Variants in RECQL observed in about 807,000 individuals in gnomAD.
RECQL encodes RecQ like helicase, also known as ATP-dependent DNA helicase Q1.
Under a neutral mutation model 75.8 loss-of-function variants are expected in RECQL, and 73 were observed. The ratio of observed to expected loss-of-function variants is 0.96; its 90% confidence interval spans 0.80 to 1.17. The LOEUF (loss-of-function observed/expected upper bound fraction) is 1.17, where lower values mean the gene tolerates loss of function less well. RECQL is among the 50% of genes most tolerant of loss of function. The pLI, the probability that RECQL is intolerant of heterozygous loss-of-function variation, is 0.00. For missense variants in RECQL, 699 were observed against 772.1 expected (o/e 0.91, Z 1.12); for synonymous variants, 248 against 254.4 (o/e 0.97, Z 0.24).
At chr12:21,498,513 T>C (rs770530219) in intron 2 of RECQL, among the ~76,000 whole-genome samples, 8 of 152,158 alleles carry the variant, frequency 5.3e-5, no homozygotes, top group Non-Finnish European at 7.4e-5. Context: ...AAACTGGAAG[T>C]TGACTGCCAC....
At chr12:21,479,465 G>A (rs1034227335) in intron 6 of RECQL, among the ~76,000 whole-genome samples, 9 of 149,474 alleles carry the variant, frequency 6.0e-5, no homozygotes, top group South Asian at 2.1e-4. Context: ...CCATTCTCCC[G>A]CCTTAGCCTT....
At chr12:21,497,926 T>C (rs1056764130) in intron 2 of RECQL, among the ~76,000 whole-genome samples, 2 of 152,148 alleles carry the variant, frequency 1.3e-5, no homozygotes, top group South Asian at 2.1e-4. Flanking sequence ...AGTGACCGCA[T>C]TGGAACCGTC....
At chr12:21,479,831 A>G (rs1943159382) in intron 6 of RECQL, among the ~76,000 whole-genome samples, 1 of 152,226 alleles carries the variant, frequency 6.6e-6, no homozygotes, top group Non-Finnish European at 1.5e-5. Context: ...AATCAAAAAG[A>G]GTAAAGAGAC....
chr12:21,481,956 C>G (rs1335644296), intron 6 of RECQL, among the ~76,000 whole-genome samples: 1 of 151,852 alleles, frequency 6.6e-6, no homozygotes, highest in African/African-American at 2.4e-5. Context: ...GGGGGTGGGT[C>G]ACCGATGACC....
intron 2 of RECQL, among the ~76,000 whole-genome samples, chr12:21,498,467 A>C (rs1264151296): frequency 6.6e-6 from 1 of 152,206 alleles, no homozygotes; most frequent in Non-Finnish European, 1.5e-5. Context: ...CCAAGAAAGA[A>C]ATGCTTGTAC....
intron 4 of RECQL, among the ~76,000 whole-genome samples, chr12:21,489,811 A>G (rs1259307228): frequency 6.6e-6 from 1 of 152,186 alleles, no homozygotes; most frequent in Non-Finnish European, 1.5e-5. Context: ...TATGTTTTTA[A>G]ATTTATGTTT....
In RECQL at chr12:21,482,180, G is replaced by A. The variant is rs575930301; in HGVS notation, c.700+1196C>T. Among the ~76,000 whole-genome samples the A allele has an allele frequency of 4.6e-5, 7 of 151,680 alleles. No individual in the cohort carries two copies. In the South Asian group the frequency reaches 1.5e-3, roughly 32 times the overall value. On this transcript the variant is annotated intron_variant, in intron 6 of 14. Transcript: ENST00000444129. Reference sequence around the variant, plus strand: ...GTGAAGGAGTGAGGAATTTGGCAGTGCAAGATCTTAAGAAGGCAGGAAAGG... The same window carrying A: ...GTGAAGGAGTGAGGAATTTGGCAGTACAAGATCTTAAGAAGGCAGGAAAGG...
Position 21,490,327 on chromosome 12 carries a change from A to G in RECQL, c.266T>C (p.Leu89Pro). Residue 89 changes from leucine to proline, a missense_variant, in exon 4 of 15, where the codon CTG becomes CCG. Around this residue, in one of 2 missense-constraint regions of RECQL, gnomAD observed 669 missense variants for 713.5 expected, o/e 0.94. Coordinates refer to ENST00000444129, the MANE Select transcript of RECQL (RefSeq NM_002907.4). ...VKDILQNVFK[L>P]EKFRPLQLET... ...AAGCTGAAGTGGTCTGAACTTTTCC[A>G]GTTTAAAGACATTTTGCAGAATATC... The G allele has an allele frequency of 6.2e-7, 1 of 1,612,988 alleles. No homozygotes were observed.
chr12:21,471,795 C>A, intron 12 of RECQL, 148 bp from the exon 13 acceptor site: 1 of 648,388 alleles, frequency 1.5e-6, no homozygotes, highest in South Asian at 1.9e-5. Context: ...TGAATTAAGA[C>A]TAGGCTATTC....
chr12:21,494,487 G>C (rs908872851), intron 2 of RECQL, among the ~76,000 whole-genome samples: 1 of 152,216 alleles, frequency 6.6e-6, no homozygotes, highest in Non-Finnish European at 1.5e-5. Context: ...TAGTGGCCAG[G>C]AGTGGCTCTA....
chr12:21,491,468 TA>T (rs750778530), intron 3 of RECQL, 50 bp downstream of exon 3: 3 of 1,488,374 alleles, frequency 2.0e-6, no homozygotes, highest in Non-Finnish European at 2.7e-6. Flanking sequence ...TCTAGTTTTT[TA>T]AAATATGAGA....
At chr12:21,488,516 T>C (rs534522983) in intron 4 of RECQL, among the ~76,000 whole-genome samples, 11 of 152,268 alleles carry the variant, frequency 7.2e-5, no homozygotes, top group African/African-American at 2.6e-4. Flanking sequence ...CTCCTACTCA[T>C]AGGACAATTC....
chr12:21,473,325 C>G (rs1341903907), intron 12 of RECQL, among the ~76,000 whole-genome samples: 1 of 152,090 alleles, frequency 6.6e-6, no homozygotes. Flanking sequence ...TGTGTTACAG[C>G]TGCCTGCAGT....
intron 2 of RECQL, among the ~76,000 whole-genome samples, chr12:21,496,808 T>TA (rs1943516915): frequency 6.6e-6 from 1 of 152,162 alleles, no homozygotes; most frequent in Non-Finnish European, 1.5e-5. Context: ...AACATACACC[T>TA]AATTTACCAA....
rs368679142 is a variant in RECQL, at chr12:21,474,911, T to C, written c.1285A>G (p.Met429Val). 1.5e-5 allele frequency: 24 copies of C among 1,613,062 alleles called. No homozygotes were observed. The highest frequency in any genetic ancestry group is 6.7e-5 in the African/African-American group (5 of 74,908). Residue 429 changes from methionine to valine, a missense_variant, in exon 11 of 15, where the codon ATG becomes GTG. By Grantham distance (21) the Met-to-Val change is conservative. Coordinates refer to ENST00000444129, the MANE Select transcript of RECQL (RefSeq NM_002907.4). ...TGTCCCACATTTTCCATCACCACCA[T>C]TGAACTTATTCTGAATATATCTCCA... is the stretch of plus-strand genomic sequence containing the variant. ...GFGDIFRISS[M>V]VVMENVGQQK...
chr12:21,496,545 C>T (rs1462423808), intron 2 of RECQL, among the ~76,000 whole-genome samples: 5 of 152,194 alleles, frequency 3.3e-5, no homozygotes, highest in Non-Finnish European at 1.5e-5. Context: ...TTGATGATAT[C>T]ATGCTTGTCT....
intron 2 of RECQL, among the ~76,000 whole-genome samples, chr12:21,495,955 C>T (rs1471157084): frequency 6.6e-6 from 1 of 152,168 alleles, no homozygotes; most frequent in East Asian, 1.9e-4. Flanking sequence ...CAGATATATT[C>T]AGCAAGTGGC....
chr12:21,486,016 T>A (rs529765460), intron 5 of RECQL, among the ~76,000 whole-genome samples: 2 of 152,332 alleles, frequency 1.3e-5, no homozygotes, highest in South Asian at 4.1e-4. Flanking sequence ...CAATTCTCCC[T>A]TACTATTTTA....
Position 21,490,384 on chromosome 12 carries a change from A to G in RECQL, c.215-6T>C, listed in dbSNP as rs1451923745. ...TTTACCAGACCATGGAAAATCTAGGAAAAGAAAGTTAAGAATCAGACAAAC... is the reference window on the plus strand; with the variant it reads ...TTTACCAGACCATGGAAAATCTAGGGAAAGAAAGTTAAGAATCAGACAAAC... On this transcript the variant is annotated splice_region_variant and splice_polypyrimidine_tract_variant and intron_variant, in intron 3 of 14. Transcript: ENST00000444129. 3.1e-6 allele frequency: 5 copies of G among 1,591,714 alleles called. No individual in the cohort carries two copies. Among genetic ancestry groups the G allele is most frequent in the Non-Finnish European group, 4.3e-6 (5 of 1,162,350 alleles).
Sources: gnomAD v4.1 joint callset for allele counts (sites outside exome capture counted in the v4.1 genomes callset) on GRCh38, gnomAD v4.1.1 for gene constraint, gnomAD v4.1.1 regional missense constraint, MANE v1.5 for transcripts, NCBI Gene and HGNC (gene_info 2026-07-23, HGNC 2026-07-21) for gene names.